The following UNCX variants were observed in gnomAD, a reference collection of about 807,000 sequenced individuals.
UNCX encodes the protein UNC homeobox.
UNCX carries 4 observed loss-of-function variants against 14.8 expected under a neutral mutation model. That is an observed-to-expected ratio of 0.27 (90% confidence interval 0.13 to 0.62). UNCX has a LOEUF of 0.62. Among genes scored for constraint, UNCX ranks in the 20% least tolerant of loss-of-function variants. UNCX has a pLI of 0.86. For missense variants in UNCX, 749 were observed against 786.8 expected, an observed-to-expected ratio of 0.95 and a Z score of 0.58; for synonymous variants, 459 against 395.8, an observed-to-expected ratio of 1.16 and a Z score of -1.90.
Position 1,236,846 on chromosome 7 carries a change from C to T in UNCX, c.1465C>T (p.Pro489Ser), listed in dbSNP as rs1177822453. 4.0e-6 allele frequency: 4 copies of T among 999,574 alleles called. No homozygotes were observed. The African/African-American group carries it at 7.0e-5, about 18-fold the overall frequency. The allele number at this position is 999,574 out of a possible 1,614,324, so 61.9% of individuals were successfully genotyped here. A position where few individuals can be genotyped will look rare whatever the true frequency, so the allele number is the denominator to read the frequency against. Reference protein sequence around the residue: ...AGTAGPAPPPPAPSPRPGPRP... With the variant: ...AGTAGPAPPPSAPSPRPGPRP... ...GACCGCCGGCCCCGCGCCCCCGCCG[C>T]CCGCGCCGTCGCCCAGGCCCGGCCC... Residue 489 changes from proline to serine, a missense_variant, in exon 3 of 3, where the codon CCC becomes TCC. Pro to Ser is a moderately conservative substitution (Grantham distance 74, BLOSUM62 -1). This residue lies in a region of UNCX where 552 missense variants were observed against 507.2 expected (regional missense o/e 1.09). Coordinates refer to ENST00000316333, the MANE Select transcript of UNCX (RefSeq NM_001080461.3). This position sits in a 1 kb window ranked among gnomAD's most constrained non-coding sequence, Gnocchi z 6.9.
Position 1,233,963 on chromosome 7 carries a change from C to T in UNCX, c.450+268C>T, listed in dbSNP as rs569924948. On this transcript the variant is annotated intron_variant, in intron 2 of 2. Coordinates refer to ENST00000316333, the MANE Select transcript of UNCX (RefSeq NM_001080461.3). This position sits in a 1 kb window ranked among gnomAD's most constrained non-coding sequence, Gnocchi z 5.3. ...ACCAGAACAGCGGCTGCGTCCGAACCGGGAAGCGGCGTGGTGGGTTGGCGG... is the reference window on the plus strand; with the variant it reads ...ACCAGAACAGCGGCTGCGTCCGAACTGGGAAGCGGCGTGGTGGGTTGGCGG... Among the ~76,000 whole-genome samples, 1 of 152,340 alleles carries T rather than the reference C, an allele frequency of 6.6e-6. No homozygotes were observed. The highest frequency in any genetic ancestry group is 2.1e-4 in the South Asian group (1 of 4,830).
Position 1,236,205 on chromosome 7 carries a change from C to T in UNCX, c.824C>T (p.Pro275Leu), listed in dbSNP as rs1159767967. Residue 275 changes from proline (P) to leucine (L), a missense_variant, in exon 3 of 3, where the codon CCG becomes CTG. By Grantham distance (98) the Pro-to-Leu change is moderately conservative. This residue lies in a region of UNCX where 552 missense variants were observed against 507.2 expected (regional missense o/e 1.09). Transcript: ENST00000316333. The surrounding 1 kb of genome is among the most constrained non-coding windows in gnomAD (Gnocchi z 6.9). ...AGTAPAPPGEPPAPGTCDPAF... is the reference protein window; with the variant it reads ...AGTAPAPPGELPAPGTCDPAF... ...ACCGCGCCCGCCCCTCCCGGCGAGC[C>T]GCCTGCACCCGGCACCTGCGACCCC... is the stretch of plus-strand genomic sequence containing the variant. 1.1e-5 allele frequency: 15 copies of T among 1,327,676 alleles called. No individual in the cohort carries two copies. The Admixed American group carries it at 4.2e-4, about 37-fold the overall frequency. The allele number at this position is 1,327,676 out of a possible 1,614,324, so 82.2% of individuals were successfully genotyped here.
Position 1,232,975 on chromosome 7 carries a change from GC to G in UNCX, c.-38del. On this transcript the variant is annotated 5_prime_UTR_variant, in exon 1 of 3. Transcript: ENST00000316333. ...CTGGCCCGCCCCGGCCCCGGCCCGC[GC>G]CCCCGCGCCCCGCCACCGGCCCCGC... The G allele has an allele frequency of 9.7e-7, 1 of 1,032,566 alleles. No individual in the cohort carries two copies. The highest frequency in any genetic ancestry group is 4.5e-5 in the South Asian group (1 of 22,450). The allele number at this position is 1,032,566 out of a possible 1,614,324, so 64.0% of individuals were successfully genotyped here.
Position 1,233,417 on chromosome 7 carries a change from C to CCCCA in UNCX, c.275-100_275-99insACCC. The CCCCA allele has an allele frequency of 7.7e-7, 1 of 1,301,248 alleles. No homozygotes were observed. The highest frequency in any genetic ancestry group is 9.8e-7 in the Non-Finnish European group (1 of 1,019,952). The allele number at this position is 1,301,248 out of a possible 1,614,324, so 80.6% of individuals were successfully genotyped here. On this transcript the variant is annotated intron_variant, in intron 1 of 2. Coordinates refer to ENST00000316333, the MANE Select transcript of UNCX (RefSeq NM_001080461.3). The surrounding 1 kb of genome is among the most constrained non-coding windows in gnomAD (Gnocchi z 5.3). ...GGCTCCTAGGCGGCCGTCTCTGCGCCCCCCCCCCCGGATCCAGGCGGCCAG... is the reference window on the plus strand; with the variant it reads ...GGCTCCTAGGCGGCCGTCTCTGCGCCCCCACCCCCCCCCGGATCCAGGCGGCCAG...
rs1206064544 is a variant in UNCX at position 1,236,802 on chromosome 7, G to C, written c.1421G>C (p.Gly474Ala). ...GCAGCGGCTACCGAGGGCGGCGGCG[G>C]GGACTGCGCGGACGCGGGGACCGCC... ...ASAAATEGGG[G>A]DCADAGTAGP... The change falls in exon 3 of 3, where the codon GGG becomes GCG. Residue 474 changes from glycine to alanine, a missense_variant. Gly to Ala is a moderately conservative substitution (Grantham distance 60, BLOSUM62 0). Transcript: ENST00000316333. The surrounding 1 kb of genome is among the most constrained non-coding windows in gnomAD (Gnocchi z 6.9). 15 of 986,824 alleles carry C rather than the reference G, an allele frequency of 1.5e-5. No individual in the cohort carries two copies. The highest frequency in any genetic ancestry group is 1.8e-5 in the Non-Finnish European group (15 of 832,618). The allele number at this position is 986,824 out of a possible 1,614,324, so 61.1% of individuals were successfully genotyped here.
rs1255758839 is a variant in UNCX at position 1,233,715 on chromosome 7, C to G, written c.450+20C>G. 1 of 1,578,488 alleles carries G rather than the reference C, an allele frequency of 6.3e-7. No homozygotes were observed. The highest frequency in any genetic ancestry group is 1.7e-5 in the Admixed American group (1 of 57,520). ...GTTCAGGTAAAGACCCGGCGTCGCT[C>G]CCGGATCTGCCATCCGGACCCCAGG... On this transcript the variant is annotated intron_variant, in intron 2 of 2. Transcript: ENST00000316333. This position sits in a 1 kb window ranked among gnomAD's most constrained non-coding sequence, Gnocchi z 5.3.
In UNCX at chr7:1,236,250, G is replaced by A. The variant is rs761731824; in HGVS notation, c.869G>A (p.Arg290Lys). 93 of 1,375,910 alleles carry A rather than the reference G, an allele frequency of 6.8e-5. No homozygotes were observed. In the South Asian group the frequency reaches 1.1e-3, roughly 16 times the overall value. The allele number at this position is 1,375,910 out of a possible 1,614,324, so 85.2% of individuals were successfully genotyped here. ...GACCCCGCCTTCTACCCGAGCCAAA[G>A]AAGCGGCGCCGGCCCACAGCCGCGC... ...TCDPAFYPSQ[R>K]SGAGPQPRPG... is the part of the protein sequence containing the mutation. Residue 290 changes from arginine to lysine, a missense_variant, in exon 3 of 3, where the codon AGA becomes AAA. By Grantham distance (26) the Arg-to-Lys change is conservative. Transcript: ENST00000316333. The surrounding 1 kb of genome is among the most constrained non-coding windows in gnomAD (Gnocchi z 6.9).
In UNCX at chr7:1,233,406, C is replaced by A. The variant is rs1411042523; in HGVS notation, c.275-114C>A. 1 of 1,240,302 alleles carries A rather than the reference C, an allele frequency of 8.1e-7. No homozygotes were observed. The highest frequency in any genetic ancestry group is 1.0e-6 in the Non-Finnish European group (1 of 976,702). The allele number at this position is 1,240,302 out of a possible 1,614,324, so 76.8% of individuals were successfully genotyped here. A position where few individuals can be genotyped will look rare whatever the true frequency, so the allele number is the denominator to read the frequency against. On this transcript the variant is annotated intron_variant, in intron 1 of 2. Transcript: ENST00000316333. The surrounding 1 kb of genome is among the most constrained non-coding windows in gnomAD (Gnocchi z 5.3). ...GAAGGAGAGCCGGCTCCTAGGCGGC[C>A]GTCTCTGCGCCCCCCCCCCCGGATC... is the stretch of plus-strand genomic sequence containing the variant.
In UNCX at chr7:1,232,961, C is replaced by A; in HGVS notation, c.-57C>A. 5 of 904,592 alleles carry A rather than the reference C, an allele frequency of 5.5e-6. No homozygotes were observed. The highest frequency in any genetic ancestry group is 6.6e-6 in the Non-Finnish European group (5 of 757,218). 56.0% of individuals were successfully genotyped at this position (904,592 alleles called of 1,614,324 possible). A position where few individuals can be genotyped will look rare whatever the true frequency, so the allele number is the denominator to read the frequency against. ...CGCGCCTCCCGCCGCTGGCCCGCCC[C>A]GGCCCCGGCCCGCGCCCCCGCGCCC... On this transcript the variant is annotated 5_prime_UTR_variant, in exon 1 of 3. Transcript: ENST00000316333.
In UNCX at chr7:1,236,471, G is replaced by T; in HGVS notation, c.1090G>T (p.Gly364Trp). The T allele has an allele frequency of 7.2e-7, 1 of 1,382,632 alleles. No individual in the cohort carries two copies. The highest frequency in any genetic ancestry group is 9.4e-7 in the Non-Finnish European group (1 of 1,065,690). 85.6% of individuals were successfully genotyped at this position (1,382,632 alleles called of 1,614,324 possible). A position where few individuals can be genotyped will look rare whatever the true frequency, so the allele number is the denominator to read the frequency against. ...AAAAGLDFAPGLPCAPRTLIG... is the reference protein window; with the variant it reads ...AAAAGLDFAPWLPCAPRTLIG... ...CGCCGCGGGGCTGGACTTCGCGCCC[G>T]GGCTGCCGTGCGCGCCGCGGACCCT... The change falls in exon 3 of 3, where the codon GGG becomes TGG. Residue 364 changes from glycine (G) to tryptophan (W), a missense_variant. This residue lies in a region of UNCX where 552 missense variants were observed against 507.2 expected (regional missense o/e 1.09). Transcript: ENST00000316333. This position sits in a 1 kb window ranked among gnomAD's most constrained non-coding sequence, Gnocchi z 6.9.
In UNCX at chr7:1,236,205, C is replaced by A; in HGVS notation, c.824C>A (p.Pro275Gln). ...ACCGCGCCCGCCCCTCCCGGCGAGC[C>A]GCCTGCACCCGGCACCTGCGACCCC... Reference protein sequence around the residue: ...AGTAPAPPGEPPAPGTCDPAF... With the variant: ...AGTAPAPPGEQPAPGTCDPAF... The change falls in exon 3 of 3, where the codon CCG becomes CAG. Residue 275 changes from proline to glutamine, a missense_variant. Pro to Gln is a moderately conservative substitution (Grantham distance 76). Transcript: ENST00000316333. The surrounding 1 kb of genome is among the most constrained non-coding windows in gnomAD (Gnocchi z 6.9). 1 of 1,327,784 alleles carries A rather than the reference C, an allele frequency of 7.5e-7. No individual in the cohort carries two copies. The highest frequency in any genetic ancestry group is 9.7e-7 in the Non-Finnish European group (1 of 1,027,710). The allele number at this position is 1,327,784 out of a possible 1,614,324, so 82.3% of individuals were successfully genotyped here.
At position 1,233,457 on chromosome 7, in the gene UNCX, G is replaced by T; in HGVS notation, c.275-63G>T. On this transcript the variant is annotated intron_variant, in intron 1 of 2. Coordinates refer to ENST00000316333, the MANE Select transcript of UNCX (RefSeq NM_001080461.3). This position sits in a 1 kb window ranked among gnomAD's most constrained non-coding sequence, Gnocchi z 5.3. ...CAGGCGGCCAGCGGGTAGCGGGAGG[G>T]AGGGGTGGGGGTCGGGCCTGGGCCG... The T allele has an allele frequency of 1.4e-6, 2 of 1,435,692 alleles. No individual in the cohort carries two copies. The highest frequency in any genetic ancestry group is 1.8e-6 in the Non-Finnish European group (2 of 1,094,792). 88.9% of individuals were successfully genotyped at this position (1,435,692 alleles called of 1,614,324 possible).
At chr7:1,235,583 A>T (rs1303381378) in intron 2 of UNCX, among the ~76,000 whole-genome samples, 1 of 152,262 alleles carries the variant, frequency 6.6e-6, no homozygotes, top group African/African-American at 2.4e-5. Context: ...CCCCGAGGTG[A>T]GAAGCCAGAG....
Position 1,236,812 on chromosome 7 carries a change from G to A in UNCX, c.1431G>A (p.Ala477=). 2.0e-6 allele frequency: 2 copies of A among 987,084 alleles called. No homozygotes were observed. Among genetic ancestry groups the A allele is most frequent in the Non-Finnish European group, 2.4e-6 (2 of 832,746 alleles). The allele number at this position is 987,084 out of a possible 1,614,324, so 61.1% of individuals were successfully genotyped here. The change falls in exon 3 of 3, where the codon GCG becomes GCA. Residue 477 remains alanine (A), a synonymous_variant. Coordinates refer to ENST00000316333, the MANE Select transcript of UNCX (RefSeq NM_001080461.3). The surrounding 1 kb of genome is among the most constrained non-coding windows in gnomAD (Gnocchi z 6.9). ...CCGAGGGCGGCGGCGGGGACTGCGC[G>A]GACGCGGGGACCGCCGGCCCCGCGC... The part of the protein sequence containing the change: ...AATEGGGGDC[A]DAGTAGPAPP...
chr7:1,235,704 G>A (rs951487878), intron 2 of UNCX, 128 bp from the exon 3 acceptor site: 4 of 820,358 alleles, frequency 4.9e-6, no homozygotes, highest in Admixed American at 3.0e-5. Flanking sequence ...TCGGCCGCGC[G>A]GCTTCACTCC....
intron 2 of UNCX, among the ~76,000 whole-genome samples, chr7:1,235,422 C>G (rs1259067958): frequency 6.6e-6 from 1 of 152,254 alleles, no homozygotes. Context: ...GCAGGATGGT[C>G]AGCGCCAGGC....
intron 2 of UNCX, among the ~76,000 whole-genome samples, chr7:1,234,216 C>T (rs900611471): frequency 6.6e-6 from 1 of 152,186 alleles, no homozygotes; most frequent in Non-Finnish European, 1.5e-5. Context: ...CAGAAGGGAA[C>T]AGCTGAGGAA....
At chr7:1,235,744 C>T (rs1778726342) in intron 2 of UNCX, 88 bp from the exon 3 acceptor site, 6 of 1,241,878 alleles carry the variant, frequency 4.8e-6, no homozygotes, top group Non-Finnish European at 5.6e-6. Flanking sequence ...TTGTGCAGGC[C>T]CCTCTGGGGG....
At chr7:1,234,596 T>A (rs1160707562) in intron 2 of UNCX, among the ~76,000 whole-genome samples, 3 of 151,050 alleles carry the variant, frequency 2.0e-5, no homozygotes, top group African/African-American at 7.3e-5. Context: ...GGTGTGTTTG[T>A]CCTGCGCTTG....
Sources: gnomAD v4.1 joint callset for allele counts (sites outside exome capture counted in the v4.1 genomes callset) on GRCh38, gnomAD v4.1.1 for gene constraint, gnomAD v4.1.1 regional missense constraint, Gnocchi (gnomAD v3.1) non-coding constraint, MANE v1.5 for transcripts, NCBI Gene and HGNC (gene_info 2026-07-23, HGNC 2026-07-21) for gene names.